Variants in CIDEA observed in about 807,000 individuals in gnomAD.
CIDEA encodes the protein lipid transferase CIDEA.
In CIDEA, 10 loss-of-function variants were observed where a neutral mutation model predicts 18.2. The observed-to-expected ratio is 0.55, with a 90% CI of 0.34 to 0.93. CIDEA has a LOEUF of 0.93. CIDEA is among the 40% of genes least tolerant of loss of function. The pLI, the probability that CIDEA is intolerant of heterozygous loss-of-function variation, is 0.02. For missense variants in CIDEA, 309 were observed against 293.1 expected, an observed-to-expected ratio of 1.05 and a Z score of -0.40; for synonymous variants, 128 against 124.8, an observed-to-expected ratio of 1.03 and a Z score of -0.17.
chr18:12,265,665 C>T (rs1912327894), intron 3 of CIDEA, among the ~76,000 whole-genome samples: 1 of 152,206 alleles, frequency 6.6e-6, no homozygotes, highest in African/African-American at 2.4e-5. Flanking sequence ...CTCTTTACTC[C>T]AGCCCCGTTT....
At chr18:12,257,418 C>T (rs1912068835) in intron 1 of CIDEA, among the ~76,000 whole-genome samples, 1 of 152,208 alleles carries the variant, frequency 6.6e-6, no homozygotes, top group Admixed American at 6.5e-5. Context: ...GGGCCCTTTT[C>T]CTCCATAGGT....
chr18:12,268,211 C>T (rs1388064814), intron 3 of CIDEA, among the ~76,000 whole-genome samples: 5 of 147,720 alleles, frequency 3.4e-5, no homozygotes, highest in African/African-American at 1.2e-4. Context: ...ATTACAAGTG[C>T]CTGCCACCAT....
chr18:12,273,427 T>C (rs949088764), intron 3 of CIDEA, among the ~76,000 whole-genome samples: 1 of 152,174 alleles, frequency 6.6e-6, no homozygotes, highest in Admixed American at 6.5e-5. Flanking sequence ...AACCATTTTG[T>C]GGGGAAAATT....
At chr18:12,254,579 T>C in intron 1 of CIDEA, 158 bp downstream of exon 1, 1 of 1,527,998 alleles carries the variant, frequency 6.5e-7, no homozygotes. Flanking sequence ...CACACACCCA[T>C]CCGCCCCACT....
At chr18:12,267,092 C>G (rs1275824015) in intron 3 of CIDEA, among the ~76,000 whole-genome samples, 1 of 152,134 alleles carries the variant, frequency 6.6e-6, no homozygotes, top group African/African-American at 2.4e-5. Context: ...GGGCAACACA[C>G]TCCTCTACTA....
intron 1 of CIDEA, among the ~76,000 whole-genome samples, chr18:12,260,047 A>T (rs1176831336): frequency 6.6e-6 from 1 of 152,184 alleles, no homozygotes; most frequent in African/African-American, 2.4e-5. Context: ...TTGGTGAGGC[A>T]CCTGGAGAAG....
intron 2 of CIDEA, 57 bp from the exon 3 acceptor site, chr18:12,264,250 C>T: frequency 6.9e-7 from 1 of 1,444,268 alleles, no homozygotes; most frequent in Non-Finnish European, 9.2e-7. Flanking sequence ...ATGTCATTGG[C>T]TGGTCACATG....
intron 1 of CIDEA, among the ~76,000 whole-genome samples, chr18:12,257,848 G>C (rs186124541): frequency 6.6e-6 from 1 of 152,142 alleles, no homozygotes; most frequent in Non-Finnish European, 1.5e-5. Context: ...TTTTAGGCAC[G>C]GTGCTGATGG....
Position 12,277,144 on chromosome 18 carries a change from C to T in CIDEA, c.534C>T (p.Ser178=). Residue 178 remains serine, a synonymous_variant, in exon 5 of 5, where the codon TCC becomes TCT. Transcript: ENST00000320477. ...GLLRSLLRFL[S]YSAQVTGQFL... ...ACAGGAGTCTGCTGCGGTTCCTGTC[C>T]TACTCCGCCCAGGTGACGGGACAGT... The T allele has an allele frequency of 2.5e-6, 4 of 1,614,166 alleles. No homozygotes were observed. The highest frequency in any genetic ancestry group is 3.4e-6 in the Non-Finnish European group (4 of 1,180,038).
chr18:12,262,670 T>C (rs1912225194), intron 1 of CIDEA, among the ~76,000 whole-genome samples, 155 bp from the exon 2 acceptor site: 1 of 152,254 alleles, frequency 6.6e-6, no homozygotes, highest in South Asian at 2.1e-4. Flanking sequence ...TCTTTGGAAT[T>C]ATGTGTACAC....
chr18:12,275,254 C>T (rs1905292652), intron 4 of CIDEA, among the ~76,000 whole-genome samples: 1 of 152,158 alleles, frequency 6.6e-6, no homozygotes, highest in South Asian at 2.1e-4. Context: ...CCCCAGGAGG[C>T]GGAGGTTGCA....
rs555187647 is a variant in CIDEA at position 12,277,400 on chromosome 18, G to T, written c.*130G>T. The stretch of plus-strand genomic sequence containing the variant: ...CCGCTGGTCACGCTGCTCAGGAGTG[G>T]TGCCCAGAAAAGGAAAGGGCTTGGT... On this transcript the variant is annotated 3_prime_UTR_variant, in exon 5 of 5. Transcript: ENST00000320477. 2.2e-5 allele frequency: 23 copies of T among 1,060,590 alleles called. No individual in the cohort carries two copies. The East Asian group carries it at 6.0e-4, about 28-fold the overall frequency. The allele number at this position is 1,060,590 out of a possible 1,614,324, so 65.7% of individuals were successfully genotyped here.
chr18:12,272,853 A>T (rs1386345060), intron 3 of CIDEA, among the ~76,000 whole-genome samples: 2 of 151,750 alleles, frequency 1.3e-5, no homozygotes, highest in Admixed American at 6.6e-5. Flanking sequence ...GCCCTGTTCA[A>T]GGGGTGCTCC....
At chr18:12,276,909 G>A (rs1053058879) in intron 4 of CIDEA, among the ~76,000 whole-genome samples, 1 of 152,240 alleles carries the variant, frequency 6.6e-6, no homozygotes. Flanking sequence ...GGAGCTCACA[G>A]AGACCTGCTC....
chr18:12,256,964 C>T (rs528618630), intron 1 of CIDEA, among the ~76,000 whole-genome samples: 2 of 152,320 alleles, frequency 1.3e-5, no homozygotes, highest in African/African-American at 4.8e-5. Flanking sequence ...TGTGCTCCCA[C>T]CTGCATATGT....
chr18:12,261,706 T>G (rs1163039367), intron 1 of CIDEA, among the ~76,000 whole-genome samples: 2 of 152,038 alleles, frequency 1.3e-5, no homozygotes, highest in African/African-American at 2.4e-5. Flanking sequence ...CCTGAGTAGA[T>G]GAGAGTATAG....
intron 1 of CIDEA, among the ~76,000 whole-genome samples, chr18:12,261,618 C>T (rs1345857101): frequency 6.6e-6 from 1 of 151,988 alleles, no homozygotes; most frequent in African/African-American, 2.4e-5. Context: ...GGCTGGAGTA[C>T]AGTGGTGCAA....
intron 3 of CIDEA, among the ~76,000 whole-genome samples, chr18:12,271,596 A>G (rs985399013): frequency 6.6e-6 from 1 of 152,330 alleles, no homozygotes. Context: ...GGAGACACTC[A>G]GCTAACAGGG....
intron 1 of CIDEA, 27 bp downstream of exon 1, chr18:12,254,448 C>T: frequency 6.3e-7 from 1 of 1,595,944 alleles, no homozygotes; most frequent in Non-Finnish European, 8.5e-7. Flanking sequence ...CCCCTGATTG[C>T]CGTGCGCTTC....
Sources: gnomAD v4.1 joint callset for allele counts (sites outside exome capture counted in the v4.1 genomes callset) on GRCh38, gnomAD v4.1.1 for gene constraint, MANE v1.5 for transcripts, NCBI Gene and HGNC (gene_info 2026-07-23, HGNC 2026-07-21) for gene names.